Variants in MEF2C observed in about 807,000 individuals in gnomAD.
MEF2C encodes the protein myocyte-specific enhancer factor 2C.
In MEF2C, 6 loss-of-function variants were observed where a neutral mutation model predicts 50.5. That is an observed-to-expected ratio of 0.12 (90% CI 0.07 to 0.23). The LOEUF (loss-of-function observed/expected upper bound fraction) is 0.23, where lower values mean the gene tolerates loss of function less well. MEF2C is among the 10% of genes least tolerant of loss of function. MEF2C has a pLI of 1.00. For synonymous variants in MEF2C, 183 were observed against 228.0 expected, an observed-to-expected ratio of 0.80 and a Z score of 1.78; for missense variants, 276 against 605.0, an observed-to-expected ratio of 0.46 and a Z score of 5.70.
chr5:88,733,423 G>C, intron 6 of MEF2C: 1 of 985,334 alleles, frequency 1.0e-6, no homozygotes, highest in Non-Finnish European at 1.2e-6. Context: ...AAGTTTCAGA[G>C]TAGAGGTATG....
In MEF2C at chr5:88,854,976, T is replaced by C. The variant is rs541435971; in HGVS notation, c.-143+27979A>G. 3.9e-5 allele frequency among the ~76,000 whole-genome samples: 6 copies of C among 152,292 alleles called. No individual in the cohort carries two copies. In the South Asian group the frequency reaches 1.2e-3, roughly 32 times the overall value. On this transcript the variant is annotated intron_variant, in intron 1 of 10. Coordinates refer to ENST00000504921, the MANE Select transcript of MEF2C (RefSeq NM_002397.5). ...GTATTTATGTGAATGGCTTGACCCA[T>C]TCTAGAATAGCTTATGTGTGGTTTA...
chr5:88,801,150 A>G (rs371951367), intron 3 of MEF2C, among the ~76,000 whole-genome samples: 1 of 152,144 alleles, frequency 6.6e-6, no homozygotes, highest in Non-Finnish European at 1.5e-5. Context: ...TATTATTTCT[A>G]TCTCTCCCGA....
chr5:88,830,096 C>T (rs1812449798), intron 1 of MEF2C, among the ~76,000 whole-genome samples: 1 of 151,940 alleles, frequency 6.6e-6, no homozygotes. Flanking sequence ...CCTCATTTAT[C>T]CTGTAACAAT....
chr5:88,796,764 A>G (rs538373172), intron 3 of MEF2C, among the ~76,000 whole-genome samples: 110 of 152,316 alleles, frequency 7.2e-4, no homozygotes, highest in African/African-American at 2.4e-3. Context: ...ATTCAGTGCT[A>G]TAAATTCACC....
At chr5:88,823,479 T>G (rs867793162) in intron 2 of MEF2C, among the ~76,000 whole-genome samples, 29 of 152,066 alleles carry the variant, frequency 1.9e-4, no homozygotes, top group Non-Finnish European at 3.1e-4. Context: ...GTCACACAAC[T>G]ACACTTCCCA....
chr5:88,880,307 C>T (rs1269094100), intron 1 of MEF2C, among the ~76,000 whole-genome samples: 1 of 152,016 alleles, frequency 6.6e-6, no homozygotes, highest in African/African-American at 2.4e-5. Context: ...ATCTTGTGAC[C>T]ATTAATTGCA....
intron 6 of MEF2C, chr5:88,734,673 T>C (rs1038354515): frequency 1.0e-6 from 1 of 977,514 alleles, no homozygotes; most frequent in African/African-American, 1.8e-5. Flanking sequence ...TAAACAGTGA[T>C]TCAGGGCAGC....
chr5:88,895,556 C>T (rs1300625671), intron 1 of MEF2C, among the ~76,000 whole-genome samples: 2 of 152,134 alleles, frequency 1.3e-5, no homozygotes, highest in Non-Finnish European at 2.9e-5. Flanking sequence ...CCTATTAGAT[C>T]CCAGTGAACT....
chr5:88,833,142 T>C, intron 1 of MEF2C, among the ~76,000 whole-genome samples: 1 of 152,278 alleles, frequency 6.6e-6, no homozygotes, highest in Middle Eastern at 3.4e-3. Context: ...ATTAAATATA[T>C]ACCTGATCAT....
intron 3 of MEF2C, among the ~76,000 whole-genome samples, chr5:88,766,191 T>C (rs758957663): frequency 7.9e-5 from 12 of 152,056 alleles, no homozygotes; most frequent in Admixed American, 2.6e-4. Flanking sequence ...CTGATGATGA[T>C]AGGTGACAGG....
chr5:88,825,393 C>G (rs1810419033), intron 1 of MEF2C: 1 of 738,880 alleles, frequency 1.4e-6, no homozygotes, highest in Non-Finnish European at 1.7e-6. Context: ...CGCCTCTCTA[C>G]TAAACTGCAG....
intron 1 of MEF2C, among the ~76,000 whole-genome samples, chr5:88,874,505 G>C (rs1441783617): frequency 2.0e-5 from 3 of 151,672 alleles, no homozygotes; most frequent in African/African-American, 7.3e-5. Context: ...TTCCTCCCTT[G>C]CTAATGGGTC....
chr5:88,738,582 T>C, intron 6 of MEF2C: 1 of 980,044 alleles, frequency 1.0e-6, no homozygotes, highest in Non-Finnish European at 1.2e-6. Flanking sequence ...CCAGAGTCCA[T>C]GCCCTGAAGT....
chr5:88,726,678 C>G (rs2152128848), intron 10 of MEF2C, among the ~76,000 whole-genome samples: 1 of 152,266 alleles, frequency 6.6e-6, no homozygotes, highest in South Asian at 2.1e-4. Flanking sequence ...GAACCGGGAG[C>G]TGAACAAAAT....
At chr5:88,748,560 A>G (rs907757623) in intron 6 of MEF2C, among the ~76,000 whole-genome samples, 34 of 152,210 alleles carry the variant, frequency 2.2e-4, no homozygotes, top group Non-Finnish European at 3.8e-4. Flanking sequence ...TTGGGGATGC[A>G]TTATATTCAT....
chr5:88,895,259 G>A (rs147957807), intron 1 of MEF2C, among the ~76,000 whole-genome samples: 15 of 152,074 alleles, frequency 9.9e-5, no homozygotes, highest in Non-Finnish European at 1.3e-4. Context: ...ATTTATGGTC[G>A]TATGTTTATT....
chr5:88,786,401 A>T (rs896435659), intron 3 of MEF2C, among the ~76,000 whole-genome samples: 1 of 152,230 alleles, frequency 6.6e-6, no homozygotes, highest in African/African-American at 2.4e-5. Flanking sequence ...AATGTTGCAC[A>T]GGCATGTAAC....
At chr5:88,851,643 C>G (rs948273215) in intron 1 of MEF2C, among the ~76,000 whole-genome samples, 3 of 151,960 alleles carry the variant, frequency 2.0e-5, no homozygotes, top group Admixed American at 2.0e-4. Context: ...GTTCTATACG[C>G]TACTATTCGT....
At chr5:88,743,927 A>G in intron 6 of MEF2C, 1 of 904,580 alleles carries the variant, frequency 1.1e-6, no homozygotes, top group Non-Finnish European at 1.3e-6. Context: ...TTATTAACCA[A>G]TATACATAAA....
Sources: gnomAD v4.1 joint callset for allele counts (sites outside exome capture counted in the v4.1 genomes callset) on GRCh38, gnomAD v4.1.1 for gene constraint, MANE v1.5 for transcripts, NCBI Gene and HGNC (gene_info 2026-07-23, HGNC 2026-07-21) for gene names.